The following NFIL3 variants were observed in gnomAD, a reference collection of about 807,000 sequenced individuals.
The protein encoded by NFIL3 is nuclear factor interleukin-3-regulated protein.
A neutral mutation model predicts 10.0 loss-of-function variants in NFIL3; 5 were observed. That is an observed-to-expected ratio of 0.50 (90% CI 0.26 to 1.06). The LOEUF is 1.06. Ranked by LOEUF, NFIL3 falls within the 50% of genes least tolerant of loss-of-function variation. The probability of loss-of-function intolerance (pLI) is 0.13; values close to 1 mark genes in which losing one functional copy is unlikely to be tolerated. For synonymous variants in NFIL3, 202 were observed against 206.5 expected (o/e 0.98, Z 0.19); for missense variants, 436 against 547.6 (o/e 0.80, Z 2.03).
At chr9:91,475,406 C>T in the NFIL3 span, among the ~76,000 whole-genome samples, 3 of 152,114 alleles carry the variant, frequency 2.0e-5, no homozygotes, top group Admixed American at 1.3e-4. Context: ...TTTTAAATTC[C>T]TCTAAATACA....
the NFIL3 span, among the ~76,000 whole-genome samples, chr9:91,429,003 T>C: frequency 6.6e-6 from 1 of 152,156 alleles, no homozygotes; most frequent in Non-Finnish European, 1.5e-5. Context: ...GAGCAAGCAT[T>C]GTGGCAGCAC....
the NFIL3 span, among the ~76,000 whole-genome samples, chr9:91,456,273 AGGTTAAT>A: frequency 6.6e-6 from 1 of 152,170 alleles, no homozygotes; most frequent in African/African-American, 2.4e-5. Context: ...GTCACATTGT[AGGTTAAT>A]GGTTAATTTT....
chr9:91,410,620 A>T lies in NFIL3; in HGVS notation c.115T>A (p.Ser39Thr), dbSNP rs780192764. 2.5e-6 allele frequency: 4 copies of T among 1,614,232 alleles called. No individual in the cohort carries two copies. Among genetic ancestry groups the T allele is most frequent in the Non-Finnish European group, 2.5e-6 (3 of 1,180,034 alleles). The change falls in exon 2 of 2, where the codon TCC (serine) becomes ACC (threonine). Residue 39 changes from serine (S) to threonine (T), a missense_variant. By Grantham distance (58) the Ser-to-Thr change is moderately conservative. Transcript: ENST00000297689. This position sits in a 1 kb window ranked among gnomAD's most constrained non-coding sequence, Gnocchi z 5.7. ...AGAAGCAGCTCCTCACCTGTTGTGG[A>T]GTCTTCTGACACTTCCGTTAAAGCA... is the stretch of plus-strand genomic sequence containing the variant. ...NSALTEVSEDSTTGEELLLSE... is the reference protein window; with the variant it reads ...NSALTEVSEDTTTGEELLLSE...
the NFIL3 span, among the ~76,000 whole-genome samples, chr9:91,475,054 G>A: frequency 6.6e-6 from 1 of 152,248 alleles, no homozygotes; most frequent in Admixed American, 6.5e-5. Context: ...CTGTTAGTCA[G>A]GGGTTCTGTG....
At chr9:91,467,165 C>T in the NFIL3 span, among the ~76,000 whole-genome samples, 2 of 151,788 alleles carry the variant, frequency 1.3e-5, no homozygotes, top group East Asian at 1.9e-4. Flanking sequence ...TCTTTATACA[C>T]ATATTATATA....
At chr9:91,412,324 C>T (rs1833569370) in intron 1 of NFIL3, among the ~76,000 whole-genome samples, 1 of 152,108 alleles carries the variant, frequency 6.6e-6, no homozygotes, top group Admixed American at 6.5e-5. Flanking sequence ...TGATGAAATA[C>T]TTACACTACA....
the NFIL3 span, among the ~76,000 whole-genome samples, chr9:91,474,780 A>C: frequency 6.6e-6 from 1 of 152,216 alleles, no homozygotes; most frequent in Non-Finnish European, 1.5e-5. Context: ...TGAGTACTTT[A>C]ATCTGTCCTT....
the NFIL3 span, among the ~76,000 whole-genome samples, chr9:91,432,165 A>G: frequency 1.3e-5 from 2 of 152,178 alleles, no homozygotes; most frequent in Non-Finnish European, 2.9e-5. Flanking sequence ...GCACACTGTC[A>G]GGTTAGTTCT....
At chr9:91,438,409 A>G in the NFIL3 span, among the ~76,000 whole-genome samples, 5 of 152,004 alleles carry the variant, frequency 3.3e-5, no homozygotes, top group Admixed American at 3.3e-4. Flanking sequence ...GTGGATGATA[A>G]CCCCTTATCA....
At chr9:91,422,875 AT>A (rs1833795048) in intron 1 of NFIL3, among the ~76,000 whole-genome samples, 1 of 152,204 alleles carries the variant, frequency 6.6e-6, no homozygotes, top group Non-Finnish European at 1.5e-5. Flanking sequence ...TTGGGACGTA[AT>A]ATAGACGTAA....
the NFIL3 span, among the ~76,000 whole-genome samples, chr9:91,468,074 A>G: frequency 1.3e-5 from 2 of 152,186 alleles, no homozygotes; most frequent in African/African-American, 4.8e-5. Context: ...GCTGGGTCAA[A>G]TGGTATTTCC....
the NFIL3 span, among the ~76,000 whole-genome samples, chr9:91,431,120 C>T: frequency 4.7e-3 from 720 of 152,276 alleles, 8 homozygotes; most frequent in African/African-American, 0.016. Flanking sequence ...AAATGTAGAC[C>T]AGGCCCAGGC....
At chr9:91,469,640 G>T in the NFIL3 span, among the ~76,000 whole-genome samples, 1 of 151,962 alleles carries the variant, frequency 6.6e-6, no homozygotes, top group East Asian at 1.9e-4. Flanking sequence ...CAGTTTTTGC[G>T]CATTCAGTAT....
At chr9:91,433,393 T>C in the NFIL3 span, among the ~76,000 whole-genome samples, 11 of 152,254 alleles carry the variant, frequency 7.2e-5, no homozygotes, top group Non-Finnish European at 1.0e-4. Context: ...TGAGCATTGC[T>C]GCAGTTTGAC....
At chr9:91,469,963 G>A in the NFIL3 span, among the ~76,000 whole-genome samples, 1 of 152,172 alleles carries the variant, frequency 6.6e-6, no homozygotes, top group East Asian at 1.9e-4. Flanking sequence ...TCACATTGAT[G>A]TTCATCAGGG....
chr9:91,442,139 A>G, the NFIL3 span, among the ~76,000 whole-genome samples: 1 of 152,040 alleles, frequency 6.6e-6, no homozygotes, highest in Non-Finnish European at 1.5e-5. Context: ...AGTGGTGATG[A>G]GTTCCCTCAG....
chr9:91,458,498 T>C, the NFIL3 span, among the ~76,000 whole-genome samples: 143 of 152,234 alleles, frequency 9.4e-4, no homozygotes, highest in African/African-American at 3.4e-3. Flanking sequence ...CCTCTCTCCT[T>C]CTTGATATTG....
chr9:91,425,535 C>T (rs1220412896), upstream of NFIL3, among the ~76,000 whole-genome samples: 2 of 152,202 alleles, frequency 1.3e-5, no homozygotes, highest in African/African-American at 4.8e-5. Context: ...CACCATCTTC[C>T]CGGTGCTGAC....
the NFIL3 span, among the ~76,000 whole-genome samples, chr9:91,439,243 T>C: frequency 4.6e-5 from 7 of 152,314 alleles, no homozygotes; most frequent in African/African-American, 1.7e-4. Context: ...GTTAAATTTC[T>C]AAGTGCTTTA....
Sources: gnomAD v4.1 joint callset for allele counts (sites outside exome capture counted in the v4.1 genomes callset) on GRCh38, gnomAD v4.1.1 for gene constraint, Gnocchi (gnomAD v3.1) non-coding constraint, MANE v1.5 for transcripts, NCBI Gene and HGNC (gene_info 2026-07-23, HGNC 2026-07-21) for gene names.